MGAT4C: variants seen among roughly 807,000 people sequenced by gnomAD.
MGAT4C encodes MGAT4 family member C, also known as alpha-1,3-mannosyl-glycoprotein 4-beta-N-acetylglucosaminyltransferase C.
A neutral mutation model predicts 40.1 loss-of-function variants in MGAT4C; 19 were observed. The ratio of observed to expected loss-of-function variants is 0.47; its 90% CI spans 0.33 to 0.70. The LOEUF is 0.70. Ranked by LOEUF, MGAT4C falls within the 30% of genes least tolerant of loss-of-function variation. MGAT4C has a pLI of 0.02. For missense variants in MGAT4C, 491 were observed against 563.2 expected (o/e 0.87, Z 1.30); for synonymous variants, 181 against 187.1 (o/e 0.97, Z 0.27).
chr12:86,785,289 A>G (rs1253574360), intron 1 of MGAT4C, among the ~76,000 whole-genome samples: 7 of 152,132 alleles, frequency 4.6e-5, no homozygotes, highest in Admixed American at 3.3e-4. Context: ...CGAAATATCT[A>G]TTCTTTATTT....
intron 4 of MGAT4C, among the ~76,000 whole-genome samples, chr12:86,268,810 T>G (rs183151275): frequency 5.9e-4 from 87 of 147,862 alleles, no homozygotes; most frequent in African/African-American, 2.0e-3. Flanking sequence ...AGAAATATTA[T>G]TATTCTGAAA....
chr12:86,170,215 G>A (rs1052363400), intron 1 of MGAT4C, among the ~76,000 whole-genome samples: 12 of 152,198 alleles, frequency 7.9e-5, no homozygotes, highest in African/African-American at 2.9e-4. Flanking sequence ...ACAGTCTTGA[G>A]CAAGAAAAGG....
intron 1 of MGAT4C, among the ~76,000 whole-genome samples, chr12:86,784,549 G>A (rs948511142): frequency 2.6e-5 from 4 of 151,846 alleles, no homozygotes; most frequent in South Asian, 2.1e-4. Context: ...TCTCATTAAC[G>A]CTAATTACCT....
intron 3 of MGAT4C, among the ~76,000 whole-genome samples, chr12:86,410,501 G>T (rs1402186430): frequency 1.3e-5 from 2 of 152,038 alleles, no homozygotes; most frequent in African/African-American, 2.4e-5. Flanking sequence ...CCACACAGGC[G>T]GTCAGACCTT....
chr12:86,621,796 C>T (rs1338516961), intron 2 of MGAT4C, among the ~76,000 whole-genome samples: 4 of 152,134 alleles, frequency 2.6e-5, no homozygotes, highest in African/African-American at 9.7e-5. Context: ...GTTGACTTAA[C>T]AATTTTTCAA....
chr12:86,136,890 G>T (rs1438852804), intron 1 of MGAT4C, among the ~76,000 whole-genome samples: 1 of 152,030 alleles, frequency 6.6e-6, no homozygotes, highest in African/African-American at 2.4e-5. Context: ...GTTTCACCAT[G>T]TTGGCCAGGC....
In MGAT4C at chr12:86,661,579, G is replaced by A. The variant is rs183165728; in HGVS notation, c.-229+65630C>T. Among the ~76,000 whole-genome samples the A allele has an allele frequency of 1.8e-4, 27 of 152,156 alleles. No homozygotes were observed. The South Asian group carries it at 1.9e-3, about 11-fold the overall frequency. On this transcript the variant is annotated intron_variant, in intron 2 of 7. Transcript: ENST00000548651. ...AGTTGATGAAATAAATACTAAGGAC[G>A]TAGAAGGTAGTCCAAGGTGAGTTAA...
intron 1 of MGAT4C, among the ~76,000 whole-genome samples, chr12:86,745,491 T>C (rs1426970652): frequency 2.0e-5 from 3 of 151,638 alleles, no homozygotes; most frequent in African/African-American, 4.8e-5. Context: ...CTTTACAATA[T>C]AGCATGCATG....
intron 2 of MGAT4C, among the ~76,000 whole-genome samples, chr12:86,505,619 C>G (rs148439840): frequency 1.3e-5 from 2 of 152,044 alleles, no homozygotes; most frequent in Non-Finnish European, 2.9e-5. Flanking sequence ...TTAAGCATAC[C>G]TTGTAAGTTT....
chr12:86,760,165 G>T (rs922018415), intron 1 of MGAT4C, among the ~76,000 whole-genome samples: 23 of 152,026 alleles, frequency 1.5e-4, no homozygotes, highest in African/African-American at 5.6e-4. Context: ...CACTCACAGT[G>T]GGGAAAAGAC....
intron 2 of MGAT4C, among the ~76,000 whole-genome samples, chr12:86,605,307 T>G (rs1454177391): frequency 2.6e-5 from 4 of 151,958 alleles, no homozygotes. Flanking sequence ...GGGATGGGAG[T>G]TTCATGCTGC....
chr12:86,367,837 C>G (rs1382617319), intron 3 of MGAT4C, among the ~76,000 whole-genome samples: 5 of 151,472 alleles, frequency 3.3e-5, no homozygotes, highest in African/African-American at 1.2e-4. Context: ...CAAAAAACAA[C>G]AACAACAAAA....
intron 3 of MGAT4C, among the ~76,000 whole-genome samples, chr12:86,345,665 T>A (rs2136187723): frequency 6.6e-6 from 1 of 152,328 alleles, no homozygotes; most frequent in Non-Finnish European, 1.5e-5. Flanking sequence ...GTTGGACATT[T>A]GGGTTGGTTC....
chr12:86,062,708 C>T (rs538543616), intron 1 of MGAT4C, among the ~76,000 whole-genome samples: 122 of 151,752 alleles, frequency 8.0e-4, no homozygotes, highest in Non-Finnish European at 1.1e-3. Flanking sequence ...AAACACAGCA[C>T]GAGAACTTCA....
At chr12:86,405,433 C>A (rs941817519) in intron 3 of MGAT4C, among the ~76,000 whole-genome samples, 2 of 151,792 alleles carry the variant, frequency 1.3e-5, no homozygotes, top group Non-Finnish European at 2.9e-5. Flanking sequence ...AAGGCTTGCA[C>A]CAGACTTGTA....
chr12:86,039,755 T>C (rs1244706034), intron 2 of MGAT4C, among the ~76,000 whole-genome samples: 2 of 152,192 alleles, frequency 1.3e-5, no homozygotes, highest in Non-Finnish European at 2.9e-5. Flanking sequence ...CATCCAATTT[T>C]GTTCCCTTGC....
At chr12:86,347,946 T>C (rs7134944) in intron 3 of MGAT4C, among the ~76,000 whole-genome samples, 135,309 of 152,184 alleles carry the variant, frequency 0.89, 60,347 homozygotes, top group East Asian at 1. Flanking sequence ...GCCTTCCTAA[T>C]TTTTTCTTTA....
At chr12:86,268,294 G>A (rs943082087) in intron 4 of MGAT4C, among the ~76,000 whole-genome samples, 1 of 151,998 alleles carries the variant, frequency 6.6e-6, no homozygotes, top group Admixed American at 6.5e-5. Flanking sequence ...TTGAAAGCCA[G>A]ACTTTGGACT....
intron 2 of MGAT4C, among the ~76,000 whole-genome samples, chr12:85,992,247 A>G (rs1038245659): frequency 2.6e-5 from 4 of 152,220 alleles, no homozygotes; most frequent in Admixed American, 2.0e-4. Flanking sequence ...TGGGGATGAC[A>G]CTGTCAATCC....
Sources: allele counts gnomAD v4.1 joint callset (sites outside exome capture counted in the v4.1 genomes callset), GRCh38; gene constraint gnomAD v4.1.1; transcripts MANE v1.5; gene names NCBI Gene and HGNC (gene_info 2026-07-23, HGNC 2026-07-21).